Variants in LINGO2 observed in about 807,000 individuals in gnomAD.
The protein encoded by LINGO2 is leucine rich repeat and Ig domain containing 2, also known as leucine-rich repeat and immunoglobulin-like domain-containing nogo receptor-interacting protein 2.
Under a neutral mutation model 30.6 loss-of-function variants are expected in LINGO2, and 14 were observed. The ratio of observed to expected loss-of-function variants is 0.46; its 90% CI spans 0.30 to 0.72. The LOEUF (loss-of-function observed/expected upper bound fraction) is 0.72. Among genes scored for constraint, LINGO2 ranks in the 30% least tolerant of loss-of-function variants. The pLI, the probability that LINGO2 is intolerant of heterozygous loss-of-function variation, is 0.07. For synonymous variants in LINGO2, 317 were observed against 288.5 expected, an observed-to-expected ratio of 1.10 and a Z score of -1.00; for missense variants, 729 against 751.7, an observed-to-expected ratio of 0.97 and a Z score of 0.35.
At chr9:28,332,978 C>G (rs1342408492) in intron 3 of LINGO2, among the ~76,000 whole-genome samples, 1 of 152,038 alleles carries the variant, frequency 6.6e-6, no homozygotes, top group East Asian at 1.9e-4. Context: ...AAGTTTAAAG[C>G]TAGATGTTTT....
the LINGO2 span, among the ~76,000 whole-genome samples, chr9:29,129,804 G>C: frequency 2.0e-5 from 3 of 152,084 alleles, no homozygotes; most frequent in Admixed American, 2.0e-4. Context: ...GGTAGGTAAG[G>C]TTGTAGAGAT....
At chr9:28,702,358 T>A in the LINGO2 span, among the ~76,000 whole-genome samples, 1 of 151,884 alleles carries the variant, frequency 6.6e-6, no homozygotes. Context: ...TGTTAAATGA[T>A]CTTCCTATAT....
At chr9:28,649,212 T>G (rs1272994306) in intron 1 of LINGO2, among the ~76,000 whole-genome samples, 1 of 152,086 alleles carries the variant, frequency 6.6e-6, no homozygotes. Flanking sequence ...AAAAGCATAC[T>G]CCCAGAAAAT....
intron 4 of LINGO2, among the ~76,000 whole-genome samples, chr9:28,190,048 G>A (rs928473408): frequency 1.3e-5 from 2 of 152,120 alleles, no homozygotes; most frequent in Non-Finnish European, 2.9e-5. Context: ...AGGCAGAATT[G>A]TAGTGTTGTA....
chr9:28,466,424 C>A (rs181443448), intron 2 of LINGO2, among the ~76,000 whole-genome samples: 2 of 152,048 alleles, frequency 1.3e-5, no homozygotes, highest in East Asian at 3.9e-4. Context: ...TAAAATAGTT[C>A]ATGAGACAGA....
the LINGO2 span, among the ~76,000 whole-genome samples, chr9:29,021,096 G>C: frequency 6.6e-6 from 1 of 152,126 alleles, no homozygotes; most frequent in South Asian, 2.1e-4. Flanking sequence ...AGAGGCTTTT[G>C]GTGAAACACT....
At chr9:28,446,141 A>C (rs1210308535) in intron 2 of LINGO2, among the ~76,000 whole-genome samples, 1 of 152,154 alleles carries the variant, frequency 6.6e-6, no homozygotes, top group Non-Finnish European at 1.5e-5. Context: ...TTTACCTTGA[A>C]TACCTCATTA....
At chr9:28,544,201 C>T (rs1285307990) in intron 1 of LINGO2, among the ~76,000 whole-genome samples, 1 of 151,008 alleles carries the variant, frequency 6.6e-6, no homozygotes, top group Non-Finnish European at 1.5e-5. Context: ...AAAAACCAAT[C>T]TCAAAAAAAA....
chr9:28,838,262 G>T, the LINGO2 span, among the ~76,000 whole-genome samples: 42 of 152,140 alleles, frequency 2.8e-4, no homozygotes, highest in African/African-American at 1.0e-3. Flanking sequence ...GAACATGAAA[G>T]AAATTGGCCA....
intron 4 of LINGO2, among the ~76,000 whole-genome samples, chr9:28,197,923 G>A (rs1258639333): frequency 1.3e-5 from 2 of 151,826 alleles, no homozygotes; most frequent in Non-Finnish European, 1.5e-5. Flanking sequence ...TACAACTACT[G>A]TAAAGTGCCA....
chr9:28,224,633 A>AT (rs1336515464), intron 4 of LINGO2, among the ~76,000 whole-genome samples: 1 of 151,998 alleles, frequency 6.6e-6, no homozygotes, highest in Non-Finnish European at 1.5e-5. Flanking sequence ...TTTTGTACCC[A>AT]TTTTTCCTCT....
At chr9:28,810,126 T>C in the LINGO2 span, among the ~76,000 whole-genome samples, 93 of 92,752 alleles carry the variant, frequency 1.0e-3, no homozygotes, top group Non-Finnish European at 1.9e-3. Context: ...ATTATCTCCA[T>C]GAAAGGAAAA....
chr9:28,666,117 C>G (rs917215200), intron 1 of LINGO2, among the ~76,000 whole-genome samples: 2 of 151,958 alleles, frequency 1.3e-5, no homozygotes, highest in East Asian at 1.9e-4. Flanking sequence ...GTCTCGAACT[C>G]CTGACCTCAG....
At chr9:28,185,785 G>A (rs560990139) in intron 4 of LINGO2, among the ~76,000 whole-genome samples, 14 of 152,212 alleles carry the variant, frequency 9.2e-5, no homozygotes, top group African/African-American at 2.4e-4. Flanking sequence ...TTTTAAAAAC[G>A]TATCTGACAT....
the LINGO2 span, among the ~76,000 whole-genome samples, chr9:28,933,075 T>G: frequency 6.6e-6 from 1 of 152,076 alleles, no homozygotes; most frequent in South Asian, 2.1e-4. Flanking sequence ...CCTGGCTAAT[T>G]TTTGTATTTT....
rs551675920 is a variant in LINGO2, at chr9:28,130,864, T to A, written c.-86-118459A>T. ...ATGTACATATGTTCCCATGAATGCG[T>A]TTGAGGCCTTTCAAAATAGGGCCTC... On this transcript the variant is annotated intron_variant, in intron 4 of 5. Transcript: ENST00000379992. The surrounding 1 kb of genome is among the most constrained non-coding windows in gnomAD (Gnocchi z 5.2). Among the ~76,000 whole-genome samples, 1 of 152,276 alleles carries A rather than the reference T, an allele frequency of 6.6e-6. No homozygotes were observed. The highest frequency in any genetic ancestry group is 2.4e-5 in the African/African-American group (1 of 41,572).
chr9:28,740,624 G>A, the LINGO2 span, among the ~76,000 whole-genome samples: 1 of 151,018 alleles, frequency 6.6e-6, no homozygotes, highest in African/African-American at 2.4e-5. Flanking sequence ...TTTGTGTTGT[G>A]AGTTTTATAC....
chr9:28,200,432 A>T (rs1008570294), intron 4 of LINGO2, among the ~76,000 whole-genome samples: 3 of 152,170 alleles, frequency 2.0e-5, no homozygotes, highest in Admixed American at 6.5e-5. Context: ...CTCATCCCAT[A>T]AAGAAAGAAC....
At chr9:28,342,730 T>C (rs573626937) in intron 3 of LINGO2, among the ~76,000 whole-genome samples, 1 of 152,124 alleles carries the variant, frequency 6.6e-6, no homozygotes, top group African/African-American at 2.4e-5. Context: ...AACTTACAAA[T>C]GTAGTTTAAA....
Sources: allele counts gnomAD v4.1 joint callset (sites outside exome capture counted in the v4.1 genomes callset), GRCh38; gene constraint gnomAD v4.1.1; non-coding constraint Gnocchi (gnomAD v3.1); transcripts MANE v1.5; gene names NCBI Gene and HGNC (gene_info 2026-07-23, HGNC 2026-07-21).